PDCD6IP: variants seen among roughly 807,000 people sequenced by gnomAD.
PDCD6IP encodes programmed cell death 6-interacting protein.
PDCD6IP carries 43 observed loss-of-function variants against 103.7 expected under a neutral mutation model. The ratio of observed to expected loss-of-function variants is 0.41; its 90% confidence interval spans 0.32 to 0.53. PDCD6IP has a LOEUF of 0.53. Ranked by LOEUF, PDCD6IP falls within the 20% of genes least tolerant of loss-of-function variation. The pLI is 0.16. For synonymous variants in PDCD6IP, 354 were observed against 378.7 expected (o/e 0.93, Z 0.76); for missense variants, 871 against 1,036.7 (o/e 0.84, Z 2.20).
At chr3:33,827,341 T>G (rs1392034137) in intron 6 of PDCD6IP, 19 of 440,244 alleles carry the variant, frequency 4.3e-5, no homozygotes, top group East Asian at 1.6e-4. Context: ...TGTTACATGA[T>G]TTTTTTTGGT....
chr3:33,822,176 C>A, intron 4 of PDCD6IP, 94 bp downstream of exon 4: 2 of 1,272,716 alleles, frequency 1.6e-6, no homozygotes, highest in Non-Finnish European at 2.2e-6. Flanking sequence ...ACTTCTTACG[C>A]AACAGATGTT....
chr3:33,814,824 ATATG>A (rs1696807463), intron 3 of PDCD6IP, among the ~76,000 whole-genome samples: 1 of 137,712 alleles, frequency 7.3e-6, no homozygotes, highest in African/African-American at 2.6e-5. Context: ...AGTATATATA[ATATG>A]TATACTATAT....
At chr3:33,802,485 C>T (rs1575894605) in intron 1 of PDCD6IP, among the ~76,000 whole-genome samples, 1 of 150,542 alleles carries the variant, frequency 6.6e-6, no homozygotes. Context: ...ACATTTTTTT[C>T]TTTTTTCTTT....
At chr3:33,813,966 A>T (rs550257499) in intron 3 of PDCD6IP, among the ~76,000 whole-genome samples, 79 of 152,314 alleles carry the variant, frequency 5.2e-4, no homozygotes, top group African/African-American at 1.8e-3. Context: ...AAAGCAGACA[A>T]TGTTTGAGTT....
chr3:33,865,735 T>C (rs1340796375), intron 17 of PDCD6IP, among the ~76,000 whole-genome samples: 1 of 152,240 alleles, frequency 6.6e-6, no homozygotes, highest in Non-Finnish European at 1.5e-5. Context: ...AGGTACCTTT[T>C]CTGAGCGTAG....
At chr3:33,807,130 CTT>C (rs1218385282) in intron 1 of PDCD6IP, among the ~76,000 whole-genome samples, 1 of 152,210 alleles carries the variant, frequency 6.6e-6, no homozygotes, top group East Asian at 1.9e-4. Flanking sequence ...GCCTCAAAAA[CTT>C]TGGGGTGAAG....
chr3:33,862,615 A>T (rs543201207), intron 15 of PDCD6IP, among the ~76,000 whole-genome samples: 2 of 152,280 alleles, frequency 1.3e-5, no homozygotes, highest in South Asian at 2.1e-4. Context: ...GTGACAGGTG[A>T]TGTGTTATCT....
At chr3:33,805,808 G>A (rs1187016409) in intron 1 of PDCD6IP, among the ~76,000 whole-genome samples, 3 of 151,586 alleles carry the variant, frequency 2.0e-5, no homozygotes, top group South Asian at 2.1e-4. Flanking sequence ...GCAGTGGCGC[G>A]ATCTTGGCTC....
intron 9 of PDCD6IP, among the ~76,000 whole-genome samples, chr3:33,838,580 A>C (rs1009287494): frequency 1.4e-5 from 2 of 147,426 alleles, no homozygotes; most frequent in Non-Finnish European, 3.0e-5. Flanking sequence ...TTATTTGGAA[A>C]TGAGAAGTAG....
At chr3:33,825,381 G>T in intron 5 of PDCD6IP, 41 bp downstream of exon 5, 1 of 1,505,040 alleles carries the variant, frequency 6.6e-7, no homozygotes, top group South Asian at 1.2e-5. Flanking sequence ...GAAAAAAAGT[G>T]ATAAGGCTTT....
chr3:33,836,410 T>C, intron 8 of PDCD6IP, 144 bp downstream of exon 8: 1 of 602,760 alleles, frequency 1.7e-6, no homozygotes, highest in Non-Finnish European at 3.0e-6. Context: ...AGAATAAATA[T>C]TGTGCCAGTG....
At chr3:33,830,150 GATTA>G (rs1351692331) in intron 7 of PDCD6IP, among the ~76,000 whole-genome samples, 9 of 152,262 alleles carry the variant, frequency 5.9e-5, no homozygotes, top group African/African-American at 1.7e-4. Context: ...AGGAGGTTCA[GATTA>G]ATTAATTAGC....
At chr3:33,804,280 C>T (rs1340201597) in intron 1 of PDCD6IP, among the ~76,000 whole-genome samples, 1 of 152,226 alleles carries the variant, frequency 6.6e-6, no homozygotes, top group Admixed American at 6.5e-5. Context: ...AGAGGAGGGG[C>T]CAGTCTCCTC....
At chr3:33,818,914 A>G (rs1472310660) in intron 3 of PDCD6IP, among the ~76,000 whole-genome samples, 1 of 148,714 alleles carries the variant, frequency 6.7e-6, no homozygotes, top group Non-Finnish European at 1.5e-5. Context: ...ATATTTTTAC[A>G]GTCTTCTCTT....
At chr3:33,840,406 C>T (rs1039633274) in intron 9 of PDCD6IP, among the ~76,000 whole-genome samples, 7 of 152,262 alleles carry the variant, frequency 4.6e-5, no homozygotes, top group Non-Finnish European at 7.4e-5. Context: ...CACAGGTACA[C>T]GGACTCATGT....
intron 1 of PDCD6IP, among the ~76,000 whole-genome samples, chr3:33,807,112 G>A (rs1250866041): frequency 1.3e-5 from 2 of 152,196 alleles, no homozygotes; most frequent in Non-Finnish European, 1.5e-5. Flanking sequence ...CTCAGGTTTT[G>A]TTAGTTGGCC....
intron 1 of PDCD6IP, among the ~76,000 whole-genome samples, chr3:33,802,417 A>G (rs1273852675): frequency 6.6e-6 from 1 of 151,500 alleles, no homozygotes; most frequent in African/African-American, 2.4e-5. Flanking sequence ...GTCAATTAGC[A>G]CTCCCTACCC....
At chr3:33,831,764 G>GCA (rs60549910) in intron 7 of PDCD6IP, among the ~76,000 whole-genome samples, 33,557 of 148,758 alleles carry the variant, frequency 0.23, 4,017 homozygotes, top group East Asian at 0.4. Flanking sequence ...TACATAGACA[G>GCA]CACACACACA....
chr3:33,820,325 C>G (rs1036337975), intron 3 of PDCD6IP, among the ~76,000 whole-genome samples: 1 of 152,010 alleles, frequency 6.6e-6, no homozygotes, highest in South Asian at 2.1e-4. Context: ...TCCCTCCCCC[C>G]TCAACCCTTG....
Sources: allele counts gnomAD v4.1 joint callset (sites outside exome capture counted in the v4.1 genomes callset), GRCh38; gene constraint gnomAD v4.1.1; transcripts MANE v1.5; gene names NCBI Gene and HGNC (gene_info 2026-07-23, HGNC 2026-07-21).